RABEP1: variants seen among roughly 807,000 people sequenced by gnomAD.
RABEP1 encodes the protein rabaptin, RAB GTPase binding effector protein 1.
Under a neutral mutation model 123.4 loss-of-function variants are expected in RABEP1, and 51 were observed. The observed-to-expected ratio is 0.41, with a 90% confidence interval of 0.33 to 0.52. RABEP1 has a LOEUF of 0.52. Ranked by LOEUF, RABEP1 falls within the 20% of genes least tolerant of loss-of-function variation. The probability of loss-of-function intolerance (pLI) is 0.16; values close to 1 mark genes in which losing one functional copy is unlikely to be tolerated. For missense variants in RABEP1, 888 were observed against 996.3 expected, an observed-to-expected ratio of 0.89 and a Z score of 1.46; for synonymous variants, 347 against 355.2, an observed-to-expected ratio of 0.98 and a Z score of 0.26.
chr17:5,346,999 G>A, intron 6 of RABEP1, 74 bp downstream of exon 6: 1 of 1,201,928 alleles, frequency 8.3e-7, no homozygotes, highest in Non-Finnish European at 1.1e-6. Context: ...TAATAACAGT[G>A]ACAAATCTTA....
At chr17:5,381,652 C>T in intron 17 of RABEP1, 147 bp downstream of exon 17, 1 of 1,358,310 alleles carries the variant, frequency 7.4e-7, no homozygotes, top group Admixed American at 2.8e-5. Flanking sequence ...ACTCATCATT[C>T]AAGCCAGAAA....
chr17:5,345,004 GCTGT>G (rs1907954019), intron 5 of RABEP1, among the ~76,000 whole-genome samples: 1 of 152,042 alleles, frequency 6.6e-6, no homozygotes. Flanking sequence ...AAGTGTATGA[GCTGT>G]CGGTTAACAA....
At chr17:5,376,875 AG>A (rs1370538860) in intron 13 of RABEP1, among the ~76,000 whole-genome samples, 2 of 152,184 alleles carry the variant, frequency 1.3e-5, no homozygotes, top group Non-Finnish European at 1.5e-5. Flanking sequence ...CTTATGAAAC[AG>A]TTTTGAGGGA....
chr17:5,377,520 A>T (rs2309370), intron 14 of RABEP1, among the ~76,000 whole-genome samples: 31,959 of 100,414 alleles, frequency 0.32, 5,677 homozygotes, highest in East Asian at 0.71. Context: ...TATTTAAAAA[A>T]TTTTTTTTTT....
chr17:5,374,506 G>T lies in RABEP1; in HGVS notation c.2025+1052G>T, dbSNP rs937036621. On this transcript the variant is annotated intron_variant, in intron 13 of 17. Transcript: ENST00000537505. ...GGCTGGAGTGCAGTGGTGTGATCTTGGCTCACTGCAACCTCCGCCTCCTGG... is the reference window on the plus strand; with the variant it reads ...GGCTGGAGTGCAGTGGTGTGATCTTTGCTCACTGCAACCTCCGCCTCCTGG... Among the ~76,000 whole-genome samples, 2 of 147,862 alleles carry T rather than the reference G, an allele frequency of 1.4e-5. 1 individual carries two copies. Among genetic ancestry groups the T allele is most frequent in the African/African-American group, 5.0e-5 (2 of 39,772 alleles).
At chr17:5,296,930 G>C (rs2075088996) in intron 1 of RABEP1, among the ~76,000 whole-genome samples, 1 of 151,994 alleles carries the variant, frequency 6.6e-6, no homozygotes, top group Admixed American at 6.6e-5. Flanking sequence ...GTAGAGAAGA[G>C]GTTTCACCAT....
Position 5,383,373 on chromosome 17 carries a change from T to A in RABEP1, c.*150T>A. On this transcript the variant is annotated 3_prime_UTR_variant, in exon 18 of 18. Coordinates refer to ENST00000537505, the MANE Select transcript of RABEP1 (RefSeq NM_004703.6). ...GCTTACTTCTAGAGGGAGAAGACTG[T>A]GCGGCACAGGAAACAGCAAACAGTG... is the stretch of plus-strand genomic sequence containing the variant. 1.5e-6 allele frequency: 1 copy of A among 668,314 alleles called. No individual in the cohort carries two copies. Among genetic ancestry groups the A allele is most frequent in the Non-Finnish European group, 2.6e-6 (1 of 390,648 alleles). The allele number at this position is 668,314 out of a possible 1,614,324, so 41.4% of individuals were successfully genotyped here. A position where few individuals can be genotyped will look rare whatever the true frequency, so the allele number is the denominator to read the frequency against.
Position 5,365,194 on chromosome 17 carries a change from C to A in RABEP1, c.1741C>A (p.Leu581Met). Residue 581 changes from leucine to methionine, a missense_variant, in exon 11 of 18, where the codon CTG (leucine) becomes ATG (methionine). Physicochemically the swap from Leu to Met is conservative, Grantham distance 15 (BLOSUM62 2). Coordinates refer to ENST00000537505, the MANE Select transcript of RABEP1 (RefSeq NM_004703.6). ...GAAGACAATGAAAGATAAGCAGGAG[C>A]TGGAAGACTTCATAAAGCAAAGCAG... is the stretch of plus-strand genomic sequence containing the variant. ...LEKTMKDKQE[L>M]EDFIKQSSED... 6.2e-7 allele frequency: 1 copy of A among 1,611,642 alleles called. No homozygotes were observed. Among genetic ancestry groups the A allele is most frequent in the Non-Finnish European group, 8.5e-7 (1 of 1,179,030 alleles).
chr17:5,301,717 C>G (rs1278509861), intron 1 of RABEP1, among the ~76,000 whole-genome samples: 1 of 151,794 alleles, frequency 6.6e-6, no homozygotes, highest in Non-Finnish European at 1.5e-5. Context: ...CAACCTCCAC[C>G]AAGATTTCAG....
At chr17:5,342,217 TAAA>T (rs960359529) in intron 5 of RABEP1, among the ~76,000 whole-genome samples, 3 of 145,450 alleles carry the variant, frequency 2.1e-5, no homozygotes, top group Admixed American at 2.1e-4. Flanking sequence ...TTCACAAGAG[TAAA>T]AAAAAAGAAA....
At chr17:5,337,776 A>G (rs1277516912) in intron 4 of RABEP1, among the ~76,000 whole-genome samples, 1 of 152,164 alleles carries the variant, frequency 6.6e-6, no homozygotes, top group Non-Finnish European at 1.5e-5. Flanking sequence ...AATTTGTTTT[A>G]GTGAATCAAT....
At chr17:5,376,417 T>C (rs1406518449) in intron 13 of RABEP1, among the ~76,000 whole-genome samples, 1 of 152,202 alleles carries the variant, frequency 6.6e-6, no homozygotes, top group Non-Finnish European at 1.5e-5. Flanking sequence ...GCAATAAATC[T>C]TAGGAAATTT....
Position 5,335,188 on chromosome 17 carries a change from A to G in RABEP1, c.372A>G (p.Thr124=). The G allele has an allele frequency of 6.2e-7, 1 of 1,604,540 alleles. No homozygotes were observed. Among genetic ancestry groups the G allele is most frequent in the Non-Finnish European group, 8.5e-7 (1 of 1,174,968 alleles). Residue 124 remains threonine (T), a synonymous_variant, in exon 4 of 18, where the codon ACA becomes ACG. Transcript: ENST00000537505. ...ATATGTGGTGATGTTTTGTAGAAAC[A>G]GTTCGTGACTATGAGCACCAGTTCC... The part of the protein sequence containing the change: ...VASLQAVMKE[T]VRDYEHQFHL...
rs554860531 is a variant in RABEP1 at position 5,367,804 on chromosome 17, A to G, written c.1786-566A>G. ...GAGTTTTGCTCTTGTTGCCCAGGCT[A>G]GAGTACAGGGTGCGTTCTGGGCTCA... On this transcript the variant is annotated intron_variant, in intron 11 of 17. Coordinates refer to ENST00000537505, the MANE Select transcript of RABEP1 (RefSeq NM_004703.6). Among the ~76,000 whole-genome samples the G allele has an allele frequency of 1.2e-3, 181 of 150,010 alleles. 1 individual carries two copies. Among genetic ancestry groups the G allele is most frequent in the African/African-American group, 4.0e-3 (165 of 41,122 alleles).
intron 12 of RABEP1, among the ~76,000 whole-genome samples, chr17:5,372,983 C>T (rs552846929): frequency 6.6e-6 from 1 of 152,176 alleles, no homozygotes; most frequent in Non-Finnish European, 1.5e-5. Context: ...GTCTCAAACT[C>T]CTGAGCTCAG....
At chr17:5,373,490 A>C (rs1910699187) in intron 13 of RABEP1, 36 bp downstream of exon 13, 1 of 1,568,796 alleles carries the variant, frequency 6.4e-7, no homozygotes, top group Admixed American at 1.9e-5. Flanking sequence ...AATGTCAACA[A>C]GTACGTTTTC....
At chr17:5,372,958 G>C (rs532393805) in intron 12 of RABEP1, among the ~76,000 whole-genome samples, 61 of 152,190 alleles carry the variant, frequency 4.0e-4, no homozygotes, top group African/African-American at 1.4e-3. Flanking sequence ...GGGTTTCACT[G>C]TTTTGCCCAG....
intron 6 of RABEP1, among the ~76,000 whole-genome samples, chr17:5,348,165 TG>T (rs1908230206): frequency 6.6e-6 from 1 of 152,106 alleles, no homozygotes; most frequent in Non-Finnish European, 1.5e-5. Flanking sequence ...TTAGTAGAGA[TG>T]GGGTGTTTCT....
At chr17:5,283,177 T>G (rs560296722) in intron 1 of RABEP1, among the ~76,000 whole-genome samples, 1 of 152,124 alleles carries the variant, frequency 6.6e-6, no homozygotes, top group East Asian at 1.9e-4. Flanking sequence ...TTATATTTTA[T>G]CTATAAAAAT....
Sources: allele counts gnomAD v4.1 joint callset (sites outside exome capture counted in the v4.1 genomes callset), GRCh38; gene constraint gnomAD v4.1.1; transcripts MANE v1.5; gene names NCBI Gene and HGNC (gene_info 2026-07-23, HGNC 2026-07-21).